A2M: variants seen among roughly 807,000 people sequenced by gnomAD.
A2M encodes C3 and PZP-like alpha-2-macroglobulin domain-containing protein 5.
Under a neutral mutation model 183.9 loss-of-function variants are expected in A2M, and 128 were observed. The ratio of observed to expected loss-of-function variants is 0.70; its 90% CI spans 0.60 to 0.81. A2M has a LOEUF of 0.81. A2M is among the 30% of genes least tolerant of loss of function. A2M has a pLI of 0.00. For missense variants in A2M, 1,495 were observed against 1,787.6 expected (o/e 0.84, Z 2.95); for synonymous variants, 592 against 670.8 (o/e 0.88, Z 1.81).
At chr12:9,111,827 A>G (rs955521899) in intron 4 of A2M, among the ~76,000 whole-genome samples, 1 of 152,188 alleles carries the variant, frequency 6.6e-6, no homozygotes, top group African/African-American at 2.4e-5. Context: ...AAAAATCTAA[A>G]TCTTTAAAAT....
chr12:9,083,544 G>C (rs981532673), intron 22 of A2M, among the ~76,000 whole-genome samples: 9 of 151,900 alleles, frequency 5.9e-5, no homozygotes, highest in African/African-American at 2.2e-4. Flanking sequence ...CAGCAGACTT[G>C]ATCAAGCAGA....
chr12:9,099,522 C>T lies in A2M; in HGVS notation c.1560G>A (p.Met520Ile). ...GGATTGAGATGGAAAAATGGCCCTT[C>T]ACTGGGGCACAAAGAGAATGAGAGG... ...THGLLVKQED[M>I]KGHFSISIPV... is the part of the protein sequence containing the mutation. Residue 520 changes from methionine to isoleucine, a missense_variant and splice_region_variant, in exon 14 of 36, where the codon ATG (methionine) becomes ATA (isoleucine). Coordinates refer to ENST00000318602, the MANE Select transcript of A2M (RefSeq NM_000014.6). The T allele has an allele frequency of 1.2e-6, 2 of 1,606,410 alleles. No homozygotes were observed. The highest frequency in any genetic ancestry group is 1.7e-6 in the Non-Finnish European group (2 of 1,176,450).
At chr12:9,110,367 T>C in intron 4 of A2M, 33 bp from the exon 5 acceptor site, 1 of 1,285,986 alleles carries the variant, frequency 7.8e-7, no homozygotes, top group Non-Finnish European at 1.1e-6. Context: ...AGTTTATAAT[T>C]ATTTTCAAAT....
At chr12:9,099,317 C>A (rs1039584963) in intron 14 of A2M, 64 bp downstream of exon 14, 7 of 1,486,716 alleles carry the variant, frequency 4.7e-6, no homozygotes, top group Middle Eastern at 1.7e-4. Flanking sequence ...ATGTGTAAAA[C>A]AAATGATAAC....
At chr12:9,096,110 C>T (rs1236561600) in intron 15 of A2M, among the ~76,000 whole-genome samples, 2 of 152,172 alleles carry the variant, frequency 1.3e-5, no homozygotes, top group South Asian at 2.1e-4. Context: ...AATGAACATC[C>T]GTCTTTCTTT....
chr12:9,072,696 T>A lies in A2M; in HGVS notation c.3932A>T (p.Glu1311Val). Residue 1311 changes from glutamate to valine, a missense_variant, in exon 30 of 36, where the codon GAA becomes GTA. Glu to Val is a moderately radical substitution (Grantham distance 121). Transcript: ENST00000318602. ...QQVSLPELPG[E>V]YSMKVTGEGC... Reference sequence around the variant, plus strand: ...TTCTCCTGTCACTTTCATGCTGTATTCCCCAGGCAGCTCTGGCAATGAGAC... The same window carrying A: ...TTCTCCTGTCACTTTCATGCTGTATACCCCAGGCAGCTCTGGCAATGAGAC... 1 of 1,614,154 alleles carries A rather than the reference T, an allele frequency of 6.2e-7. No individual in the cohort carries two copies. The highest frequency in any genetic ancestry group is 8.5e-7 in the Non-Finnish European group (1 of 1,180,038).
In A2M at chr12:9,106,354, A is replaced by G. The variant is rs891997449; in HGVS notation, c.995-9T>C. On this transcript the variant is annotated splice_polypyrimidine_tract_variant and intron_variant, in intron 9 of 35. Transcript: ENST00000318602. ...TCCAGTCAATTCCACCACTGAAAAA[A>G]GAGAAAAAAATCTGTTATTTTTGGG... 1.9e-6 allele frequency: 3 copies of G among 1,581,694 alleles called. No homozygotes were observed. Among genetic ancestry groups the G allele is most frequent in the African/African-American group, 2.7e-5 (2 of 73,950 alleles).
At chr12:9,087,582 C>T (rs1159029928) in intron 22 of A2M, among the ~76,000 whole-genome samples, 1 of 152,026 alleles carries the variant, frequency 6.6e-6, no homozygotes. Flanking sequence ...TTTTTGGGAT[C>T]TATTGCACAG....
chr12:9,089,006 T>C (rs1949128539), intron 22 of A2M, among the ~76,000 whole-genome samples, 194 bp downstream of exon 22: 1 of 152,230 alleles, frequency 6.6e-6, no homozygotes, highest in Admixed American at 6.5e-5. Flanking sequence ...AGATCAAGAC[T>C]CAGAATGCAG....
intron 35 of A2M, 42 bp downstream of exon 35, chr12:9,068,141 A>G (rs771445255): frequency 1.2e-6 from 2 of 1,609,736 alleles, no homozygotes; most frequent in Admixed American, 3.4e-5. Context: ...GGGCAAGCTG[A>G]AGGAGCTCTG....
At chr12:9,086,941 G>T (rs1949068704) in intron 22 of A2M, among the ~76,000 whole-genome samples, 1 of 152,164 alleles carries the variant, frequency 6.6e-6, no homozygotes, top group Admixed American at 6.5e-5. Flanking sequence ...CAATAAAGTT[G>T]CAAGATACAA....
chr12:9,097,358 C>A (rs1308477670), intron 15 of A2M, among the ~76,000 whole-genome samples: 2 of 152,068 alleles, frequency 1.3e-5, no homozygotes, highest in African/African-American at 4.8e-5. Flanking sequence ...GAAAAAGCTT[C>A]AGTAAGAGGT....
At position 9,090,440 on chromosome 12, in the gene A2M, G is replaced by A; in HGVS notation, c.2512C>T (p.Pro838Ser). 6.2e-7 allele frequency: 1 copy of A among 1,613,936 alleles called. No individual in the cohort carries two copies. Among genetic ancestry groups the A allele is most frequent in the East Asian group, 2.2e-5 (1 of 44,882 alleles). ...TGAGGCGCTTGTTCCTTCTCCACTG[G>A]GACAGCTAGGAAGGCGGGAGAGGCT... The part of the protein sequence containing the change: ...LEASPAFLAV[P>S]VEKEQAPHCI... Residue 838 changes from proline (P) to serine (S), a missense_variant, in exon 20 of 36, where the codon CCA becomes TCA. Coordinates refer to ENST00000318602, the MANE Select transcript of A2M (RefSeq NM_000014.6).
chr12:9,090,679 T>C (rs1442809509), intron 19 of A2M, 197 bp from the exon 20 acceptor site: 1 of 574,014 alleles, frequency 1.7e-6, no homozygotes, highest in East Asian at 3.2e-5. Flanking sequence ...TCTGAGTTAT[T>C]TTGGAAGCAA....
chr12:9,084,674 A>G (rs1048187375), intron 22 of A2M, among the ~76,000 whole-genome samples: 2 of 152,194 alleles, frequency 1.3e-5, no homozygotes, highest in Non-Finnish European at 2.9e-5. Context: ...AGTCATTTTT[A>G]AATTAATAAT....
Position 9,099,438 on chromosome 12 carries a change from G to A in A2M, c.1644C>T (p.Thr548=), listed in dbSNP as rs745823596. 39 of 1,597,934 alleles carry A rather than the reference G, an allele frequency of 2.4e-5. No homozygotes were observed. The highest frequency in any genetic ancestry group is 1.2e-4 in the African/African-American group (9 of 74,766). Reference sequence around the variant, plus strand: ...TTGCAGAATCCCCAATCACGTCCCCGGTAGGTAAAACAGCATAGATGAGCA... The same window carrying A: ...TTGCAGAATCCCCAATCACGTCCCCAGTAGGTAAAACAGCATAGATGAGCA... The part of the protein sequence containing the change: ...ARLLIYAVLP[T]GDVIGDSAKY... The change falls in exon 14 of 36, where the codon ACC becomes ACT. Residue 548 remains threonine, a synonymous_variant. Coordinates refer to ENST00000318602, the MANE Select transcript of A2M (RefSeq NM_000014.6).
chr12:9,072,061 A>G (rs1948595333), intron 31 of A2M, among the ~76,000 whole-genome samples: 1 of 152,218 alleles, frequency 6.6e-6, no homozygotes, highest in Non-Finnish European at 1.5e-5. Context: ...ATAAAGCAAG[A>G]ATAATATAGG....
chr12:9,069,574 C>A (rs909095772), intron 33 of A2M, among the ~76,000 whole-genome samples, 171 bp downstream of exon 33: 2 of 152,084 alleles, frequency 1.3e-5, no homozygotes, highest in Admixed American at 1.3e-4. Context: ...TACCTGTAAT[C>A]CCTGGTGAAA....
At chr12:9,072,532 A>G in intron 30 of A2M, 46 bp from the exon 31 acceptor site, 1 of 1,602,870 alleles carries the variant, frequency 6.2e-7, no homozygotes, top group Non-Finnish European at 8.5e-7. Context: ...CTTTCCCAGA[A>G]TTCCTGTCCA....
Sources: gnomAD v4.1 joint callset for allele counts (sites outside exome capture counted in the v4.1 genomes callset) on GRCh38, gnomAD v4.1.1 for gene constraint, MANE v1.5 for transcripts, NCBI Gene and HGNC (gene_info 2026-07-23, HGNC 2026-07-21) for gene names.